The following KDM2B variants were observed in gnomAD, a reference collection of about 807,000 sequenced individuals.
The protein encoded by KDM2B is lysine demethylase 2B.
In KDM2B, 26 loss-of-function variants were observed where a neutral mutation model predicts 150.0. That is an observed-to-expected ratio of 0.17 (90% CI 0.13 to 0.24). The LOEUF (loss-of-function observed/expected upper bound fraction) is 0.24, where lower values mean the gene tolerates loss of function less well. Among genes scored for constraint, KDM2B ranks in the 10% least tolerant of loss-of-function variants. KDM2B has a pLI of 1.00. For missense variants in KDM2B, 1,265 were observed against 1,816.9 expected (o/e 0.70, Z 5.52); for synonymous variants, 734 against 729.5 (o/e 1.01, Z -0.10).
chr12:121,569,744 T>C (rs1157672701), intron 4 of KDM2B, among the ~76,000 whole-genome samples: 1 of 152,208 alleles, frequency 6.6e-6, no homozygotes, highest in Non-Finnish European at 1.5e-5. Flanking sequence ...TGCAAAGCAC[T>C]TGAACATTCA....
At chr12:121,448,319 C>CAAAAA (rs57261158) in intron 13 of KDM2B, among the ~76,000 whole-genome samples, 6 of 51,100 alleles carry the variant, frequency 1.2e-4, no homozygotes, top group South Asian at 1.7e-3. Flanking sequence ...GACTCTGTCT[C>CAAAAA]AAAAAAAAAA....
At chr12:121,576,631 A>G (rs1891513008) in intron 2 of KDM2B, among the ~76,000 whole-genome samples, 2 of 152,174 alleles carry the variant, frequency 1.3e-5, no homozygotes, top group South Asian at 4.1e-4. Flanking sequence ...ATCCTTACCC[A>G]AAGTCCTGGA....
At chr12:121,496,493 CTTT>C (rs782450832) in intron 11 of KDM2B, among the ~76,000 whole-genome samples, 7 of 121,468 alleles carry the variant, frequency 5.8e-5, no homozygotes, top group African/African-American at 1.4e-4. Flanking sequence ...GCTCATTGTC[CTTT>C]TTTTTTTTTT....
intron 13 of KDM2B, among the ~76,000 whole-genome samples, chr12:121,446,197 C>T (rs4980996): frequency 0.014 from 2,150 of 152,236 alleles, 44 homozygotes; most frequent in East Asian, 0.071. Flanking sequence ...AGATCGAGAC[C>T]ATCCCGGCTA....
chr12:121,416,312 G>A, the KDM2B span: 164 of 1,614,152 alleles, frequency 1.0e-4, no homozygotes, highest in Admixed American at 1.3e-4. Flanking sequence ...CCCACCAGCA[G>A]CTACGGAAGG....
the KDM2B span, chr12:121,417,700 A>T: frequency 6.2e-7 from 1 of 1,614,214 alleles, no homozygotes; most frequent in Non-Finnish European, 8.5e-7. This position sits in a 1 kb window ranked among gnomAD's most constrained non-coding sequence, Gnocchi z 5.0. Flanking sequence ...CGTGAGAAAG[A>T]AGACTTGGTG....
At chr12:121,506,249 G>T (rs973919803) in intron 11 of KDM2B, among the ~76,000 whole-genome samples, 2 of 151,938 alleles carry the variant, frequency 1.3e-5, no homozygotes, top group Admixed American at 6.6e-5. Context: ...TCGTGTGATC[G>T]GCCTTCCAAA....
intron 7 of KDM2B, 144 bp downstream of exon 7, chr12:121,534,348 CAAAAA>C: frequency 1.4e-5 from 7 of 484,610 alleles, no homozygotes; most frequent in East Asian, 3.6e-5. Flanking sequence ...GACTCCATCT[CAAAAA>C]AAAAAAAAAA....
chr12:121,420,557 T>C, the KDM2B span: 49 of 1,612,782 alleles, frequency 3.0e-5, no homozygotes, highest in African/African-American at 8.0e-5. Flanking sequence ...CCAGGGCTAA[T>C]GGATGCTCTG....
chr12:121,440,735 T>TG, intron 21 of KDM2B, 81 bp downstream of exon 21: 2 of 1,325,432 alleles, frequency 1.5e-6, no homozygotes, highest in African/African-American at 2.9e-5. Context: ...GGGGAACAGC[T>TG]GGGGTCTGAG....
intron 12 of KDM2B, among the ~76,000 whole-genome samples, chr12:121,488,438 G>A (rs888799168): frequency 4.6e-5 from 7 of 152,064 alleles, no homozygotes; most frequent in African/African-American, 7.2e-5. Context: ...CCACAGGCCC[G>A]CAAGAAAGGC....
chr12:121,531,654 A>G (rs1296118574), intron 8 of KDM2B, among the ~76,000 whole-genome samples: 1 of 152,200 alleles, frequency 6.6e-6, no homozygotes, highest in Non-Finnish European at 1.5e-5. Flanking sequence ...GGCTGACTGC[A>G]GTTACCATAT....
chr12:121,520,811 A>G lies in KDM2B; in HGVS notation c.1047+174T>C, dbSNP rs1234732539. Among the ~76,000 whole-genome samples, 5 of 151,730 alleles carry G rather than the reference A, an allele frequency of 3.3e-5. No individual in the cohort carries two copies. Among genetic ancestry groups the G allele is most frequent in the Non-Finnish European group, 5.9e-5 (4 of 67,904 alleles). ...GCCTCCGGGTGTGGCTCCTACAGGC[A>G]TTCCCCTGCCCCCCCTCCCCCGCCA... On this transcript the variant is annotated intron_variant, in intron 9 of 22. Coordinates refer to ENST00000377071, the MANE Select transcript of KDM2B (RefSeq NM_032590.5). This position sits in a 1 kb window ranked among gnomAD's most constrained non-coding sequence, Gnocchi z 4.5.
At chr12:121,522,706 G>A (rs1886799494) in intron 8 of KDM2B, among the ~76,000 whole-genome samples, 1 of 151,910 alleles carries the variant, frequency 6.6e-6, no homozygotes, top group South Asian at 2.1e-4. Flanking sequence ...AAATTAGCCA[G>A]GCTTGGTGGC....
chr12:121,420,378 G>A, the KDM2B span: 2 of 1,554,046 alleles, frequency 1.3e-6, no homozygotes, highest in Non-Finnish European at 1.7e-6. Flanking sequence ...ATGTCAGCCT[G>A]ACAGGAAGGG....
At chr12:121,439,750 G>T in intron 22 of KDM2B, 107 bp downstream of exon 22, 1 of 803,132 alleles carries the variant, frequency 1.2e-6, no homozygotes, top group Non-Finnish European at 2.1e-6. Flanking sequence ...GAGACACCTA[G>T]CACTGTGACC....
chr12:121,523,434 C>T (rs1008589890), intron 8 of KDM2B, among the ~76,000 whole-genome samples: 3 of 152,224 alleles, frequency 2.0e-5, no homozygotes, highest in South Asian at 2.1e-4. Context: ...CCCTGGAGGC[C>T]GCTGTCCCCT....
chr12:121,580,218 T>C lies in KDM2B; in HGVS notation c.126+568A>G, dbSNP rs1891856821. 2.2e-6 allele frequency: 3 copies of C among 1,361,730 alleles called. No individual in the cohort carries two copies. The South Asian group carries it at 5.1e-5, about 23-fold the overall frequency. The allele number at this position is 1,361,730 out of a possible 1,614,324, so 84.4% of individuals were successfully genotyped here. A position where few individuals can be genotyped will look rare whatever the true frequency, so the allele number is the denominator to read the frequency against. ...TGCACCAACACTTAGGCAGATCCGT[T>C]TGCAAAGTCCTAGGAAACCATTTTC... On this transcript the variant is annotated intron_variant, in intron 1 of 22. Transcript: ENST00000377071.
intron 12 of KDM2B, among the ~76,000 whole-genome samples, chr12:121,466,912 G>A (rs1880062714): frequency 6.8e-6 from 1 of 146,936 alleles, no homozygotes; most frequent in African/African-American, 2.4e-5. Flanking sequence ...CATTGTCCCC[G>A]CGGTGCCCGA....
Sources: allele counts gnomAD v4.1 joint callset (sites outside exome capture counted in the v4.1 genomes callset), GRCh38; gene constraint gnomAD v4.1.1; non-coding constraint Gnocchi (gnomAD v3.1); transcripts MANE v1.5; gene names NCBI Gene and HGNC (gene_info 2026-07-23, HGNC 2026-07-21).